Variants in BZW1 observed in about 807,000 individuals in gnomAD.
The protein encoded by BZW1 is basic leucine zipper and W2 domains 1.
Under a neutral mutation model 54.1 loss-of-function variants are expected in BZW1, and 3 were observed. The observed-to-expected ratio is 0.06, with a 90% CI of 0.03 to 0.14. The LOEUF is 0.14. Ranked by LOEUF, BZW1 falls within the 10% of genes least tolerant of loss-of-function variation. BZW1 has a pLI of 1.00. For synonymous variants in BZW1, 152 were observed against 162.7 expected (o/e 0.93, Z 0.50); for missense variants, 206 against 491.7 (o/e 0.42, Z 5.50).
rs1348589884 is a variant in BZW1 at position 200,826,421 on chromosome 2, T to TGATAGA, written c.*4243_*4244insGATAGA. ...GATAGATAGATATTTTTTTTTTTTT[T>TGATAGA]TTTTTTTTTTTTTTTTTTTTTGAGA... is the stretch of plus-strand genomic sequence containing the variant. On this transcript the variant is annotated 3_prime_UTR_variant, in exon 12 of 12. Coordinates refer to ENST00000409600, the MANE Select transcript of BZW1 (RefSeq NM_001207067.2). 2.8e-3 allele frequency: 245 copies of TGATAGA among 87,728 alleles called. 2 individuals are homozygous for TGATAGA. In the South Asian group the frequency reaches 0.042, roughly 15 times the overall value. The allele number at this position is 87,728 out of a possible 1,614,324, so 5.4% of individuals were successfully genotyped here.
intron 2 of BZW1, among the ~76,000 whole-genome samples, chr2:200,814,635 C>T (rs1265004130): frequency 6.6e-6 from 1 of 152,120 alleles, no homozygotes; most frequent in African/African-American, 2.4e-5. Flanking sequence ...TTCTTATCCC[C>T]ATTTTACAGT....
Position 200,826,104 on chromosome 2 carries a change from T to G in BZW1, c.*3926T>G, listed in dbSNP as rs2038681267. 1 of 152,182 alleles carries G rather than the reference T, an allele frequency of 6.6e-6. No individual in the cohort carries two copies. The highest frequency in any genetic ancestry group is 6.5e-5 in the Admixed American group (1 of 15,274). The allele number at this position is 152,182 out of a possible 1,614,324, so 9.4% of individuals were successfully genotyped here. Reference sequence around the variant, plus strand: ...AATCTGGATGATGTGACAAGTACCTTTGTCTTTGGAGTAATGAGTTTATAA... The same window carrying G: ...AATCTGGATGATGTGACAAGTACCTGTGTCTTTGGAGTAATGAGTTTATAA... On this transcript the variant is annotated 3_prime_UTR_variant, in exon 12 of 12. Transcript: ENST00000409600.
rs1443458769 is a variant in BZW1, at chr2:200,823,561, C to T, written c.*1383C>T. On this transcript the variant is annotated 3_prime_UTR_variant, in exon 12 of 12. Coordinates refer to ENST00000409600, the MANE Select transcript of BZW1 (RefSeq NM_001207067.2). ...GTGGAAATCGCCCCTTTTGAAGGTGCCATTCTTATGAGCCAAAAGTTTGTC... is the reference window on the plus strand; with the variant it reads ...GTGGAAATCGCCCCTTTTGAAGGTGTCATTCTTATGAGCCAAAAGTTTGTC... 1.3e-5 allele frequency: 2 copies of T among 152,262 alleles called. No individual in the cohort carries two copies. The highest frequency in any genetic ancestry group is 2.9e-5 in the Non-Finnish European group (2 of 67,986). 9.4% of individuals were successfully genotyped at this position (152,262 alleles called of 1,614,324 possible).
Position 200,818,258 on chromosome 2 carries a change from C to T in BZW1, c.684C>T (p.His228=). The part of the protein sequence containing the change: ...LFPANKQSVE[H]FTKYFTEAGL... ...CTGCCAATAAGCAAAGTGTTGAACACTTCACAAAATATTTTACTGAGGCAG... is the reference window on the plus strand; with the variant it reads ...CTGCCAATAAGCAAAGTGTTGAACATTTCACAAAATATTTTACTGAGGCAG... Residue 228 remains histidine (H), a synonymous_variant, in exon 8 of 12, where the codon CAC becomes CAT. Coordinates refer to ENST00000409600, the MANE Select transcript of BZW1 (RefSeq NM_001207067.2). 1.2e-6 allele frequency: 2 copies of T among 1,601,784 alleles called. No homozygotes were observed. The highest frequency in any genetic ancestry group is 1.7e-6 in the Non-Finnish European group (2 of 1,174,390).
intron 11 of BZW1, 60 bp downstream of exon 11, chr2:200,821,365 T>A: frequency 1.9e-6 from 3 of 1,588,768 alleles, no homozygotes; most frequent in Non-Finnish European, 2.6e-6. Context: ...GGCCATAATA[T>A]ATCTTCACAC....
intron 1 of BZW1, chr2:200,812,406 G>C: frequency 7.8e-7 from 1 of 1,278,444 alleles, no homozygotes; most frequent in Non-Finnish European, 9.9e-7. Context: ...GAGGGCGGGC[G>C]GATGTACGGG....
chr2:200,815,243 C>G, intron 2 of BZW1, 98 bp from the exon 3 acceptor site: 2 of 1,238,682 alleles, frequency 1.6e-6, no homozygotes, highest in Non-Finnish European at 2.2e-6. Context: ...TGAATTTAAT[C>G]TAACTTATTT....
rs2038363095 is a variant in BZW1, at chr2:200,818,174, T to G, written c.649-49T>G. On this transcript the variant is annotated intron_variant, in intron 7 of 11. Coordinates refer to ENST00000409600, the MANE Select transcript of BZW1 (RefSeq NM_001207067.2). ...TTAAGACTGTGAAAAGAAAGTGTTT[T>G]TCTTAATCTGATTTAAAGAAAGTTT... 3 of 1,516,264 alleles carry G rather than the reference T, an allele frequency of 2.0e-6. No individual in the cohort carries two copies. In the East Asian group the frequency reaches 7.3e-5, roughly 37 times the overall value. The allele number at this position is 1,516,264 out of a possible 1,614,324, so 93.9% of individuals were successfully genotyped here. A position where few individuals can be genotyped will look rare whatever the true frequency, so the allele number is the denominator to read the frequency against.
Position 200,826,447 on chromosome 2 carries a change from C to CAA in BZW1, c.*4270_*4271insAA, listed in dbSNP as rs2038704869. ...TTTTTTTTTTTTTTTTTTTTTGAGA[C>CAA]AGAGTCTCGCTCTGTCGCCCAGGCG... On this transcript the variant is annotated 3_prime_UTR_variant, in exon 12 of 12. Transcript: ENST00000409600. The CAA allele has an allele frequency of 1.4e-5, 1 of 71,870 alleles. No homozygotes were observed. Among genetic ancestry groups the CAA allele is most frequent in the Non-Finnish European group, 2.7e-5 (1 of 37,324 alleles). 4.5% of individuals were successfully genotyped at this position (71,870 alleles called of 1,614,324 possible).
rs2038499882 is a variant in BZW1, at chr2:200,821,311, G to A, written c.1228+6G>A. On this transcript the variant is annotated splice_donor_region_variant and intron_variant, in intron 11 of 11. Transcript: ENST00000409600. ...GCTCAAAAATGCTGAAGAAGGTAAG[G>A]ATTTTCCTTTGTGTGGTTTGTTTGG... 6.2e-7 allele frequency: 1 copy of A among 1,613,012 alleles called. No individual in the cohort carries two copies. The highest frequency in any genetic ancestry group is 8.5e-7 in the Non-Finnish European group (1 of 1,179,622).
chr2:200,819,217 C>T (rs1324212453), intron 9 of BZW1: 11 of 257,784 alleles, frequency 4.3e-5, no homozygotes, highest in Non-Finnish European at 7.4e-5. Flanking sequence ...AGTGAGACCT[C>T]ATCTCTACTA....
At chr2:200,817,932 C>A in intron 6 of BZW1, 42 bp from the exon 7 acceptor site, 1 of 1,369,152 alleles carries the variant, frequency 7.3e-7, no homozygotes, top group Non-Finnish European at 1.0e-6. Flanking sequence ...TGATTGAAAC[C>A]AGGGAAGGTA....
At position 200,823,886 on chromosome 2, in the gene BZW1, G is replaced by C. The variant is rs1575063612; in HGVS notation, c.*1708G>C. ...TTTTTAAATTCCATGTTAATACCTA[G>C]TGGTATTGTATGTTGTGTGTTCAGA... On this transcript the variant is annotated 3_prime_UTR_variant, in exon 12 of 12. Transcript: ENST00000409600. The C allele has an allele frequency of 6.6e-6, 1 of 151,770 alleles. No individual in the cohort carries two copies. Among genetic ancestry groups the C allele is most frequent in the East Asian group, 1.9e-4 (1 of 5,158 alleles). 9.4% of individuals were successfully genotyped at this position (151,770 alleles called of 1,614,324 possible).
chr2:200,815,991 A>G (rs1220345564), intron 4 of BZW1, among the ~76,000 whole-genome samples: 1 of 152,178 alleles, frequency 6.6e-6, no homozygotes, highest in African/African-American at 2.4e-5. Flanking sequence ...TCCTGAAATT[A>G]CTCAATTTTT....
At chr2:200,817,033 A>G in intron 5 of BZW1, 73 bp from the exon 6 acceptor site, 4 of 1,539,276 alleles carry the variant, frequency 2.6e-6, no homozygotes, top group Admixed American at 1.9e-5. Context: ...GGTAGCCAGT[A>G]TAACATGCTT....
Position 200,824,083 on chromosome 2 carries a change from T to G in BZW1, c.*1905T>G, listed in dbSNP as rs565198422. On this transcript the variant is annotated 3_prime_UTR_variant, in exon 12 of 12. Transcript: ENST00000409600. ...TTATACTGTGTATAGTGAAAAAGTG[T>G]GTCATCTTCCAGAACTACATTATTA... The G allele has an allele frequency of 6.6e-6, 1 of 152,328 alleles. No individual in the cohort carries two copies. Among genetic ancestry groups the G allele is most frequent in the Non-Finnish European group, 1.5e-5 (1 of 68,016 alleles). 9.4% of individuals were successfully genotyped at this position (152,328 alleles called of 1,614,324 possible).
rs1575064908 is a variant in BZW1 at position 200,826,344 on chromosome 2, A to T, written c.*4166A>T. The T allele has an allele frequency of 7.0e-6, 1 of 143,080 alleles. No homozygotes were observed. The allele number at this position is 143,080 out of a possible 1,614,324, so 8.9% of individuals were successfully genotyped here. ...ATCTTTATGCTAGGAGTATAGTCTC[A>T]GTTCTTAATGAGTTGATGGGATGAA... On this transcript the variant is annotated 3_prime_UTR_variant, in exon 12 of 12. Transcript: ENST00000409600.
intron 1 of BZW1, chr2:200,812,636 G>C: frequency 7.7e-7 from 1 of 1,292,990 alleles, no homozygotes; most frequent in South Asian, 1.5e-5. Flanking sequence ...GAGGAGGCTA[G>C]GACTGTGGGA....
chr2:200,816,996 T>G, intron 5 of BZW1, 110 bp from the exon 6 acceptor site: 3 of 1,309,700 alleles, frequency 2.3e-6, no homozygotes, highest in Non-Finnish European at 2.1e-6. Context: ...CTTGGATGGT[T>G]AGATCCCAGA....
Sources: gnomAD v4.1 joint callset for allele counts (sites outside exome capture counted in the v4.1 genomes callset) on GRCh38, gnomAD v4.1.1 for gene constraint, MANE v1.5 for transcripts, NCBI Gene and HGNC (gene_info 2026-07-23, HGNC 2026-07-21) for gene names.